NR3C2: variants seen among roughly 807,000 people sequenced by gnomAD.
NR3C2 encodes mineralocorticoid receptor.
A neutral mutation model predicts 86.4 loss-of-function variants in NR3C2; 15 were observed. That is an observed-to-expected ratio of 0.17 (90% CI 0.12 to 0.27). The LOEUF (loss-of-function observed/expected upper bound fraction) is 0.27. NR3C2 is among the 10% of genes least tolerant of loss of function. The pLI is 1.00. For synonymous variants in NR3C2, 458 were observed against 450.5 expected, an observed-to-expected ratio of 1.02 and a Z score of -0.21; for missense variants, 960 against 1,195.6, an observed-to-expected ratio of 0.80 and a Z score of 2.91.
upstream of NR3C2, chr4:148,443,093 G>GAGC (rs1750431892): frequency 4.1e-6 from 2 of 489,084 alleles, no homozygotes; most frequent in African/African-American, 2.1e-5. Flanking sequence ...CCTCTCAGCA[G>GAGC]AGCAGCAGCA....
intron 4 of NR3C2, among the ~76,000 whole-genome samples, chr4:148,157,393 T>A (rs973420754): frequency 2.6e-5 from 4 of 152,162 alleles, no homozygotes; most frequent in Non-Finnish European, 5.9e-5. Flanking sequence ...TTAACTAATT[T>A]AATAATTTTA....
chr4:148,412,776 A>G (rs994323112), intron 2 of NR3C2, among the ~76,000 whole-genome samples: 5 of 152,086 alleles, frequency 3.3e-5, no homozygotes, highest in African/African-American at 1.2e-4. Flanking sequence ...CCAGACCACA[A>G]CACTGTGAAT....
At chr4:148,282,792 T>A (rs990937651) in intron 2 of NR3C2, among the ~76,000 whole-genome samples, 3 of 151,608 alleles carry the variant, frequency 2.0e-5, no homozygotes, top group African/African-American at 7.3e-5. Context: ...GAAGAAAACA[T>A]GAGAATAGGT....
chr4:148,434,306 T>C (rs1217271887), intron 2 of NR3C2, among the ~76,000 whole-genome samples: 1 of 152,192 alleles, frequency 6.6e-6, no homozygotes, highest in East Asian at 1.9e-4. Context: ...TAGTCATATC[T>C]AAAACCTCTT....
chr4:148,419,559 G>A (rs946359644), intron 2 of NR3C2, among the ~76,000 whole-genome samples: 1 of 152,160 alleles, frequency 6.6e-6, no homozygotes, highest in African/African-American at 2.4e-5. Context: ...TAATGAGCTG[G>A]ATAGTCTAGA....
At chr4:148,184,624 T>C (rs1247567203) in intron 4 of NR3C2, among the ~76,000 whole-genome samples, 1 of 152,186 alleles carries the variant, frequency 6.6e-6, no homozygotes, top group African/African-American at 2.4e-5. Flanking sequence ...CTACACATTA[T>C]ATAAAGATAC....
intron 2 of NR3C2, among the ~76,000 whole-genome samples, chr4:148,354,282 T>C (rs915315064): frequency 2.0e-5 from 3 of 152,238 alleles, no homozygotes; most frequent in Admixed American, 2.0e-4. Context: ...TACCTTACTA[T>C]AAGAACACAG....
intron 4 of NR3C2, among the ~76,000 whole-genome samples, chr4:148,186,557 C>CA (rs899006442): frequency 6.6e-6 from 1 of 152,062 alleles, no homozygotes; most frequent in African/African-American, 2.4e-5. Flanking sequence ...TCTGAGATAC[C>CA]AAAGTCCATG....
At chr4:148,240,867 G>A (rs1206760329) in intron 3 of NR3C2, among the ~76,000 whole-genome samples, 5 of 152,170 alleles carry the variant, frequency 3.3e-5, no homozygotes, top group Admixed American at 3.3e-4. Context: ...AAAATGCAGA[G>A]CTGCTAAGTG....
At chr4:148,347,704 T>C (rs1745065960) in intron 2 of NR3C2, among the ~76,000 whole-genome samples, 1 of 152,140 alleles carries the variant, frequency 6.6e-6, no homozygotes, top group African/African-American at 2.4e-5. Flanking sequence ...CCGATGGGGC[T>C]ACAGCAGTGA....
chr4:148,309,630 C>T (rs1213427243), intron 2 of NR3C2, among the ~76,000 whole-genome samples: 1 of 151,452 alleles, frequency 6.6e-6, no homozygotes, highest in African/African-American at 2.4e-5. Context: ...ACAATTTTGC[C>T]CTTAAAAAAC....
chr4:148,133,752 T>C (rs1007268234), intron 6 of NR3C2, among the ~76,000 whole-genome samples: 1 of 152,204 alleles, frequency 6.6e-6, no homozygotes, highest in Non-Finnish European at 1.5e-5. Flanking sequence ...GGGTGCACAA[T>C]TGTGCCTCCA....
At chr4:148,249,030 A>T (rs187931036) in intron 3 of NR3C2, among the ~76,000 whole-genome samples, 12 of 152,312 alleles carry the variant, frequency 7.9e-5, no homozygotes, top group Admixed American at 4.6e-4. Flanking sequence ...GGGCAGTATC[A>T]TTCTGTATAA....
chr4:148,365,862 C>G (rs1240457299), intron 2 of NR3C2, among the ~76,000 whole-genome samples: 1 of 152,044 alleles, frequency 6.6e-6, no homozygotes, highest in East Asian at 1.9e-4. Context: ...TCACAAACTC[C>G]CGGAAATTCC....
intron 4 of NR3C2, among the ~76,000 whole-genome samples, chr4:148,173,481 C>G (rs983315296): frequency 6.6e-6 from 1 of 151,990 alleles, no homozygotes; most frequent in African/African-American, 2.4e-5. Context: ...GAAGGGGCCA[C>G]GAGCCAAAGA....
chr4:148,445,003 C>G, upstream of NR3C2: 1 of 984,772 alleles, frequency 1.0e-6, no homozygotes, highest in Non-Finnish European at 1.2e-6. Context: ...GCCTGCGCCC[C>G]CCTCCCCGGG....
intron 3 of NR3C2, among the ~76,000 whole-genome samples, chr4:148,253,410 C>T (rs990214055): frequency 1.3e-5 from 2 of 152,186 alleles, no homozygotes; most frequent in African/African-American, 2.4e-5. Flanking sequence ...TAAGACTTTT[C>T]TGTGTGCAAG....
intron 2 of NR3C2, among the ~76,000 whole-genome samples, chr4:148,371,434 C>T (rs779376667): frequency 6.6e-6 from 1 of 152,054 alleles, no homozygotes; most frequent in Non-Finnish European, 1.5e-5. Context: ...CTTGAGACCC[C>T]CTTGGGGTTT....
intron 2 of NR3C2, among the ~76,000 whole-genome samples, chr4:148,282,868 C>T (rs182283299): frequency 1.3e-5 from 2 of 152,170 alleles, no homozygotes; most frequent in African/African-American, 2.4e-5. Context: ...CATCAATAGG[C>T]AGAGTGGGCC....
Sources: gnomAD v4.1 joint callset for allele counts (sites outside exome capture counted in the v4.1 genomes callset) on GRCh38, gnomAD v4.1.1 for gene constraint, MANE v1.5 for transcripts, NCBI Gene and HGNC (gene_info 2026-07-23, HGNC 2026-07-21) for gene names.